Variants in LOXL1 observed in about 807,000 individuals in gnomAD.
LOXL1 encodes lysyl oxidase homolog 1.
LOXL1 carries 31 observed loss-of-function variants against 62.2 expected under a neutral mutation model. The observed-to-expected ratio is 0.50, with a 90% CI of 0.37 to 0.67. The LOEUF (loss-of-function observed/expected upper bound fraction) is 0.67. LOXL1 is among the 30% of genes least tolerant of loss of function. The probability of loss-of-function intolerance (pLI) is 0.00; values close to 1 mark genes in which losing one functional copy is unlikely to be tolerated. For synonymous variants in LOXL1, 403 were observed against 384.4 expected, an observed-to-expected ratio of 1.05 and a Z score of -0.56; for missense variants, 775 against 843.4, an observed-to-expected ratio of 0.92 and a Z score of 1.00.
rs2068627827 is a variant in LOXL1 at position 73,930,427 on chromosome 15, A to G, written c.1102+2542A>G. ...ACAAAGAGGCCAGAGAGGGAGCAGT[A>G]GTCTCTCCCATCATTGGTTCCTCCC... On this transcript the variant is annotated intron_variant, in intron 1 of 6. Coordinates refer to ENST00000261921, the MANE Select transcript of LOXL1 (RefSeq NM_005576.4). The surrounding 1 kb of genome is among the most constrained non-coding windows in gnomAD (Gnocchi z 4.7). Among the ~76,000 whole-genome samples the G allele has an allele frequency of 6.6e-6, 1 of 152,144 alleles. No homozygotes were observed. Among genetic ancestry groups the G allele is most frequent in the East Asian group, 1.9e-4 (1 of 5,198 alleles).
intron 1 of LOXL1, among the ~76,000 whole-genome samples, chr15:73,937,449 C>T (rs1425864438): frequency 6.6e-6 from 1 of 152,212 alleles, no homozygotes; most frequent in Non-Finnish European, 1.5e-5. Flanking sequence ...CGTATTCCCT[C>T]GCACGCAGCT....
At chr15:73,927,919 G>A in intron 1 of LOXL1, 34 bp downstream of exon 1, 1 of 1,296,472 alleles carries the variant, frequency 7.7e-7, no homozygotes. Context: ...CCGGCCGCGC[G>A]TACCCCTGGC....
chr15:73,950,545 G>A (rs981117717), intron 6 of LOXL1, among the ~76,000 whole-genome samples: 1 of 151,910 alleles, frequency 6.6e-6, no homozygotes, highest in East Asian at 1.9e-4. Context: ...GTGTGACCAG[G>A]ATCAAGGCTC....
intron 6 of LOXL1, 104 bp downstream of exon 6, chr15:73,949,678 G>A (rs2068770973): frequency 3.9e-6 from 3 of 771,818 alleles, no homozygotes; most frequent in Non-Finnish European, 4.5e-6. Flanking sequence ...AGGTCACCTT[G>A]ATGGCCGAAC....
At chr15:73,939,162 C>T (rs11855863) in intron 1 of LOXL1, among the ~76,000 whole-genome samples, 16,908 of 152,204 alleles carry the variant, frequency 0.11, 1,493 homozygotes, top group African/African-American at 0.24. Flanking sequence ...CATAATCCCC[C>T]AGCCCCAAGC....
intron 6 of LOXL1, among the ~76,000 whole-genome samples, chr15:73,951,045 G>T (rs547066061): frequency 6.6e-6 from 1 of 152,332 alleles, no homozygotes; most frequent in South Asian, 2.1e-4. Context: ...AGCCATTCAA[G>T]ACCCAGGGTC....
intron 2 of LOXL1, among the ~76,000 whole-genome samples, chr15:73,943,593 G>A (rs1485698695): frequency 1.3e-5 from 2 of 152,182 alleles, no homozygotes; most frequent in Admixed American, 6.5e-5. Context: ...CAGCTGGCTC[G>A]CCATTATTCA....
At position 73,926,667 on chromosome 15, in the gene LOXL1, C is replaced by T. The variant is rs1269629948; in HGVS notation, c.-117C>T. The T allele has an allele frequency of 5.8e-6, 7 of 1,207,984 alleles. No homozygotes were observed. The highest frequency in any genetic ancestry group is 7.6e-6 in the Non-Finnish European group (7 of 925,536). The allele number at this position is 1,207,984 out of a possible 1,614,324, so 74.8% of individuals were successfully genotyped here. On this transcript the variant is annotated 5_prime_UTR_variant, in exon 1 of 7. Transcript: ENST00000261921. Reference sequence around the variant, plus strand: ...CGGGACAAGGCCAGCATGGACAAAGCTAGAGCTGGGGCAAGCAAGGAGCCT... The same window carrying T: ...CGGGACAAGGCCAGCATGGACAAAGTTAGAGCTGGGGCAAGCAAGGAGCCT...
At chr15:73,929,979 G>T (rs968482812) in intron 1 of LOXL1, among the ~76,000 whole-genome samples, 1 of 152,206 alleles carries the variant, frequency 6.6e-6, no homozygotes, top group African/African-American at 2.4e-5. Context: ...AATGGGACAG[G>T]GCAAGGCCAT....
chr15:73,927,584 C>T lies in LOXL1; in HGVS notation c.801C>T (p.Pro267=), dbSNP rs1369105904. The part of the protein sequence containing the change: ...RPYVPPPPPP[P]DGLDRRYSHS... Reference sequence around the variant, plus strand: ...ACGTGCCGCCGCCGCCGCCGCCCCCCGACGGCCTGGACCGCCGCTACTCGC... The same window carrying T: ...ACGTGCCGCCGCCGCCGCCGCCCCCTGACGGCCTGGACCGCCGCTACTCGC... The change falls in exon 1 of 7, where the codon CCC becomes CCT. Residue 267 remains proline (P), a synonymous_variant. Transcript: ENST00000261921. 6.7e-7 allele frequency: 1 copy of T among 1,503,370 alleles called. No individual in the cohort carries two copies. The highest frequency in any genetic ancestry group is 2.7e-5 in the East Asian group (1 of 36,530). 93.1% of individuals were successfully genotyped at this position (1,503,370 alleles called of 1,614,324 possible). A position where few individuals can be genotyped will look rare whatever the true frequency, so the allele number is the denominator to read the frequency against.
chr15:73,931,256 C>T (rs1044865281), intron 1 of LOXL1, among the ~76,000 whole-genome samples: 10 of 148,478 alleles, frequency 6.7e-5, no homozygotes, highest in Non-Finnish European at 1.5e-4. Context: ...CCTTGCCTGA[C>T]GTGTGTCCTC....
Position 73,945,074 on chromosome 15 carries a change from G to A in LOXL1, c.1212-1343G>A, listed in dbSNP as rs187540811. Among the ~76,000 whole-genome samples, 1 of 152,076 alleles carries A rather than the reference G, an allele frequency of 6.6e-6. No homozygotes were observed. Among genetic ancestry groups the A allele is most frequent in the Non-Finnish European group, 1.5e-5 (1 of 67,994 alleles). ...ACCCCTTCCTGTTCCTACCACACAT[G>A]TGTGTGCATGTGTGTGTATGTGTGC... On this transcript the variant is annotated intron_variant, in intron 2 of 6. Transcript: ENST00000261921. This position sits in a 1 kb window ranked among gnomAD's most constrained non-coding sequence, Gnocchi z 4.3.
intron 1 of LOXL1, among the ~76,000 whole-genome samples, chr15:73,931,151 C>A (rs1194637059): frequency 1.5e-5 from 2 of 137,128 alleles, no homozygotes; most frequent in African/African-American, 5.0e-5. Context: ...CCTCGCACCC[C>A]CCGCCTGACT....
chr15:73,948,445 C>T (rs369497977), intron 5 of LOXL1, among the ~76,000 whole-genome samples: 69 of 152,256 alleles, frequency 4.5e-4, no homozygotes, highest in East Asian at 2.5e-3. Context: ...TTGGTACATC[C>T]GTGTAGGCCA....
At chr15:73,933,785 C>T (rs534958156) in intron 1 of LOXL1, among the ~76,000 whole-genome samples, 1 of 152,398 alleles carries the variant, frequency 6.6e-6, no homozygotes, top group Admixed American at 6.5e-5. Flanking sequence ...CCCACACCTC[C>T]TTCCAATTGC....
chr15:73,946,394 C>T (rs745602200), intron 2 of LOXL1, 23 bp from the exon 3 acceptor site: 15 of 1,558,034 alleles, frequency 9.6e-6, no homozygotes, highest in Admixed American at 5.0e-5. Context: ...AACCCCCCCT[C>T]ATCTCCCCCG....
chr15:73,946,626 C>G, intron 3 of LOXL1, 72 bp downstream of exon 3: 1 of 1,514,746 alleles, frequency 6.6e-7, no homozygotes, highest in Non-Finnish European at 8.9e-7. Flanking sequence ...GCCTGAGCTC[C>G]CCTCCCACCA....
chr15:73,951,750 G>A, intron 6 of LOXL1, 81 bp from the exon 7 acceptor site: 3 of 1,327,416 alleles, frequency 2.3e-6, no homozygotes, highest in Non-Finnish European at 3.1e-6. Flanking sequence ...GATCTGGGCT[G>A]TGGGAGGGAC....
chr15:73,928,548 C>T (rs1406457666), intron 1 of LOXL1, among the ~76,000 whole-genome samples: 1 of 132,884 alleles, frequency 7.5e-6, no homozygotes, highest in East Asian at 2.2e-4. Flanking sequence ...CCAAAAAACA[C>T]AGTAGTTGAG....
Sources: allele counts gnomAD v4.1 joint callset (sites outside exome capture counted in the v4.1 genomes callset), GRCh38; gene constraint gnomAD v4.1.1; non-coding constraint Gnocchi (gnomAD v3.1); transcripts MANE v1.5; gene names NCBI Gene and HGNC (gene_info 2026-07-23, HGNC 2026-07-21).